The following NKAIN2 variants were observed in gnomAD, a reference collection of about 807,000 sequenced individuals.
The protein encoded by NKAIN2 is sodium/potassium transporting ATPase interacting 2.
A neutral mutation model predicts 32.6 loss-of-function variants in NKAIN2; 14 were observed. The observed-to-expected ratio is 0.43, with a 90% confidence interval of 0.28 to 0.67. NKAIN2 has a LOEUF of 0.67. Among genes scored for constraint, NKAIN2 ranks in the 30% least tolerant of loss-of-function variants. NKAIN2 has a pLI of 0.17. For missense variants in NKAIN2, 198 were observed against 258.3 expected (o/e 0.77, Z 1.60); for synonymous variants, 80 against 87.2 (o/e 0.92, Z 0.46).
At position 124,101,274 on chromosome 6, in the gene NKAIN2, A is replaced by G. The variant is rs140995052; in HGVS notation, c.55-181731A>G. On this transcript the variant is annotated intron_variant, in intron 1 of 6. Transcript: ENST00000368417. ...ATGATTATTATCCCTGAAAGTTGTT[A>G]ATCTCTGAAAATCTGCCAAACACCT... 1.0e-3 allele frequency among the ~76,000 whole-genome samples: 153 copies of G among 152,258 alleles called. 5 individuals carry two copies. The East Asian group carries it at 0.029, about 29-fold the overall frequency.
At chr6:123,857,707 G>A (rs1472167465) in intron 1 of NKAIN2, among the ~76,000 whole-genome samples, 4 of 150,434 alleles carry the variant, frequency 2.7e-5, no homozygotes, top group African/African-American at 9.7e-5. Flanking sequence ...GCTTAATAAA[G>A]ACATGTTTAA....
At chr6:124,104,438 A>G (rs949149945) in intron 1 of NKAIN2, among the ~76,000 whole-genome samples, 4 of 152,252 alleles carry the variant, frequency 2.6e-5, no homozygotes, top group African/African-American at 9.6e-5. Flanking sequence ...AGAATGGTAT[A>G]TTTTTATGTT....
At chr6:124,097,401 T>TAAA (rs35090835) in intron 1 of NKAIN2, among the ~76,000 whole-genome samples, 1,380 of 132,430 alleles carry the variant, frequency 0.01, 22 homozygotes, top group African/African-American at 0.033. Context: ...GACTTCGTCT[T>TAAA]AAAAAAAAAA....
chr6:124,201,655 G>A (rs1484264233), intron 1 of NKAIN2, among the ~76,000 whole-genome samples: 1 of 151,936 alleles, frequency 6.6e-6, no homozygotes, highest in Non-Finnish European at 1.5e-5. Context: ...ACCTCAAGGA[G>A]TGAGAAGGAT....
intron 3 of NKAIN2, among the ~76,000 whole-genome samples, chr6:124,391,945 A>G (rs1044065383): frequency 5.3e-5 from 8 of 152,082 alleles, no homozygotes; most frequent in African/African-American, 1.7e-4. Flanking sequence ...TGAAACTGGA[A>G]TCTCCAGGTA....
chr6:124,025,334 C>A (rs1223189681), intron 1 of NKAIN2, among the ~76,000 whole-genome samples: 1 of 152,078 alleles, frequency 6.6e-6, no homozygotes, highest in East Asian at 1.9e-4. Flanking sequence ...ATGCATGATA[C>A]ATGTGGTTCT....
intron 1 of NKAIN2, among the ~76,000 whole-genome samples, chr6:124,212,275 G>A (rs1170191996): frequency 2.0e-5 from 3 of 151,980 alleles, no homozygotes; most frequent in Non-Finnish European, 4.4e-5. Flanking sequence ...AGTAATATAT[G>A]ATTCTCTTTT....
chr6:124,561,446 G>A (rs992658842), intron 3 of NKAIN2, among the ~76,000 whole-genome samples: 1 of 152,102 alleles, frequency 6.6e-6, no homozygotes, highest in African/African-American at 2.4e-5. Flanking sequence ...TGGCAAGATT[G>A]TAAATTGCAA....
chr6:124,687,268 C>CGAGAA (rs1562324377), intron 4 of NKAIN2, among the ~76,000 whole-genome samples: 23 of 136,272 alleles, frequency 1.7e-4, no homozygotes, highest in African/African-American at 6.4e-4. Flanking sequence ...TATATTCTCT[C>CGAGAA]TATATATAGA....
chr6:124,500,357 G>T (rs1023786821), intron 3 of NKAIN2, among the ~76,000 whole-genome samples: 7 of 151,876 alleles, frequency 4.6e-5, no homozygotes, highest in African/African-American at 1.5e-4. Flanking sequence ...AATCTAAAAT[G>T]GGAAGATATG....
At chr6:124,324,189 A>T (rs572365004) in intron 2 of NKAIN2, among the ~76,000 whole-genome samples, 1 of 152,250 alleles carries the variant, frequency 6.6e-6, no homozygotes, top group African/African-American at 2.4e-5. Context: ...ACTGTATCCC[A>T]ATTTGAGGAT....
intron 1 of NKAIN2, among the ~76,000 whole-genome samples, chr6:123,911,282 G>C (rs980778685): frequency 6.6e-6 from 1 of 152,142 alleles, no homozygotes; most frequent in African/African-American, 2.4e-5. Flanking sequence ...TGCTTCTGCA[G>C]GCTGTACAAG....
chr6:124,503,943 G>A (rs1778384369), intron 3 of NKAIN2, among the ~76,000 whole-genome samples: 1 of 152,124 alleles, frequency 6.6e-6, no homozygotes, highest in African/African-American at 2.4e-5. Flanking sequence ...TGAGAAGATT[G>A]ATAATAGCAA....
intron 3 of NKAIN2, among the ~76,000 whole-genome samples, chr6:124,499,757 A>C (rs1488549533): frequency 6.6e-6 from 1 of 152,226 alleles, no homozygotes; most frequent in African/African-American, 2.4e-5. Flanking sequence ...ATATGGAAGG[A>C]AGAAAGGCTG....
At chr6:124,633,034 G>A (rs1783629755) in intron 3 of NKAIN2, among the ~76,000 whole-genome samples, 1 of 152,058 alleles carries the variant, frequency 6.6e-6, no homozygotes, top group East Asian at 1.9e-4. Flanking sequence ...TTAATTATGT[G>A]AATTATGTGC....
At chr6:124,330,165 T>C (rs2753175) in intron 2 of NKAIN2, among the ~76,000 whole-genome samples, 23,311 of 152,194 alleles carry the variant, frequency 0.15, 2,056 homozygotes, top group African/African-American at 0.24. Flanking sequence ...TGTTACTGAA[T>C]GCCAAGAACT....
intron 1 of NKAIN2, among the ~76,000 whole-genome samples, chr6:124,244,050 T>C (rs2626105): frequency 0.44 from 66,497 of 151,642 alleles, 16,999 homozygotes; most frequent in African/African-American, 0.71. Context: ...AAATGATTTC[T>C]TTCTGTAAAA....
At chr6:124,803,202 A>G (rs1437637824) in intron 5 of NKAIN2, among the ~76,000 whole-genome samples, 1 of 152,180 alleles carries the variant, frequency 6.6e-6, no homozygotes, top group Non-Finnish European at 1.5e-5. Flanking sequence ...AGAAAGTCAA[A>G]TCTATCAAAT....
chr6:124,462,523 G>GT (rs1168485085), intron 3 of NKAIN2, among the ~76,000 whole-genome samples: 2 of 151,842 alleles, frequency 1.3e-5, no homozygotes, highest in African/African-American at 4.8e-5. Flanking sequence ...AGCTTTCAGA[G>GT]TTACTAAGTC....
Sources: gnomAD v4.1 joint callset for allele counts (sites outside exome capture counted in the v4.1 genomes callset) on GRCh38, gnomAD v4.1.1 for gene constraint, MANE v1.5 for transcripts, NCBI Gene and HGNC (gene_info 2026-07-23, HGNC 2026-07-21) for gene names.